Variants in CNTN4 observed in about 807,000 individuals in gnomAD.
CNTN4 encodes the protein contactin 4.
CNTN4 carries 77 observed loss-of-function variants against 122.5 expected under a neutral mutation model. The observed-to-expected ratio is 0.63, with a 90% confidence interval of 0.52 to 0.76. CNTN4 has a LOEUF of 0.76. CNTN4 is among the 30% of genes least tolerant of loss of function. The probability of loss-of-function intolerance (pLI) is 0.00; values close to 1 mark genes in which losing one functional copy is unlikely to be tolerated. For synonymous variants in CNTN4, 512 were observed against 447.0 expected (o/e 1.15, Z -1.83); for missense variants, 1,256 against 1,259.1 (o/e 1.00, Z 0.04).
chr3:2,381,432 C>A (rs1007314934), intron 3 of CNTN4, among the ~76,000 whole-genome samples: 9 of 152,184 alleles, frequency 5.9e-5, no homozygotes, highest in African/African-American at 1.7e-4. Flanking sequence ...TCAAGTTTCA[C>A]CTTCTGCACT....
chr3:2,815,349 G>A (rs146434345), intron 6 of CNTN4, among the ~76,000 whole-genome samples: 2 of 152,010 alleles, frequency 1.3e-5, no homozygotes, highest in African/African-American at 2.4e-5. Flanking sequence ...ATCTGACAAA[G>A]GACTAATATC....
intron 3 of CNTN4, among the ~76,000 whole-genome samples, chr3:2,340,710 T>TATATATATATATATATAG: frequency 7.7e-4 from 14 of 18,300 alleles, no homozygotes; most frequent in African/African-American, 1.3e-3. Context: ...TATATATATA[T>TATATATATATATATATAG]AGAGAGAGAG....
At chr3:2,846,655 G>A (rs1223207653) in intron 7 of CNTN4, among the ~76,000 whole-genome samples, 1 of 152,108 alleles carries the variant, frequency 6.6e-6, no homozygotes, top group Non-Finnish European at 1.5e-5. Context: ...AAGTAAATTT[G>A]GACTCCTCTG....
intron 16 of CNTN4, 61 bp from the exon 17 acceptor site, chr3:3,034,571 G>C: frequency 1.3e-6 from 2 of 1,533,800 alleles, no homozygotes; most frequent in East Asian, 4.5e-5. Context: ...CAAGTATGTG[G>C]CTCCTTTACT....
At chr3:2,350,663 CTTCA>C (rs1270289594) in intron 3 of CNTN4, among the ~76,000 whole-genome samples, 1 of 152,150 alleles carries the variant, frequency 6.6e-6, no homozygotes, top group Non-Finnish European at 1.5e-5. Context: ...TGTAATGTCT[CTTCA>C]TTAAGTTTTT....
At chr3:2,133,025 T>C (rs2034524988) in intron 2 of CNTN4, among the ~76,000 whole-genome samples, 1 of 151,992 alleles carries the variant, frequency 6.6e-6, no homozygotes, top group African/African-American at 2.4e-5. Flanking sequence ...AAATAAGAAA[T>C]AAGTAGGAGG....
chr3:2,384,165 G>C (rs141591033), intron 3 of CNTN4, among the ~76,000 whole-genome samples: 1 of 152,152 alleles, frequency 6.6e-6, no homozygotes, highest in African/African-American at 2.4e-5. Context: ...TGCATCATAA[G>C]GACTCAGTAA....
intron 2 of CNTN4, among the ~76,000 whole-genome samples, chr3:2,224,447 G>C (rs781463912): frequency 1.4e-4 from 21 of 152,206 alleles, no homozygotes; most frequent in African/African-American, 4.8e-4. Context: ...ATGGGAGAGA[G>C]AGAGCATAAG....
intron 14 of CNTN4, among the ~76,000 whole-genome samples, chr3:3,016,791 T>C (rs9858531): frequency 0.14 from 21,833 of 152,208 alleles, 1,897 homozygotes; most frequent in African/African-American, 0.25. Flanking sequence ...TTTCCATTTG[T>C]GGCAGTCAAG....
chr3:2,484,824 G>C (rs2076101898), intron 3 of CNTN4, among the ~76,000 whole-genome samples: 1 of 152,224 alleles, frequency 6.6e-6, no homozygotes. Context: ...TGCTCGAGGA[G>C]CCCTTCAGCC....
chr3:2,878,551 CTCTGTGTGTG>C lies in CNTN4; in HGVS notation c.653-4592_653-4583del, dbSNP rs1306351336. 2.6e-3 allele frequency among the ~76,000 whole-genome samples: 166 copies of C among 64,936 alleles called. 1 individual carries two copies. Among genetic ancestry groups the C allele is most frequent in the African/African-American group, 8.9e-3 (165 of 18,478 alleles). The allele number at this position is 64,936 out of a possible 152,430, so 42.6% of individuals were successfully genotyped here. On this transcript the variant is annotated intron_variant, in intron 8 of 24. Transcript: ENST00000418658. ...GTAAGAGAACAACAGAAGAGATGCT[CTCTGTGTGTG>C]TGTGTGTGTGTGTGTGTGTGTGTGT...
chr3:2,125,583 G>T (rs1278227771), intron 2 of CNTN4, among the ~76,000 whole-genome samples: 1 of 136,510 alleles, frequency 7.3e-6, no homozygotes, highest in South Asian at 2.3e-4. Context: ...TTTTTGAGAC[G>T]AGTCTCACAC....
At chr3:2,267,859 A>G (rs1387496787) in intron 2 of CNTN4, among the ~76,000 whole-genome samples, 1 of 151,856 alleles carries the variant, frequency 6.6e-6, no homozygotes, top group Non-Finnish European at 1.5e-5. Flanking sequence ...CAGGCTTTTC[A>G]TCTTATATGT....
intron 6 of CNTN4, among the ~76,000 whole-genome samples, chr3:2,773,642 C>T (rs188677876): frequency 6.6e-6 from 1 of 152,216 alleles, no homozygotes; most frequent in African/African-American, 2.4e-5. Flanking sequence ...AGACAGATTT[C>T]CTTGTCTATG....
chr3:2,815,894 TG>T (rs1254279745), intron 6 of CNTN4, among the ~76,000 whole-genome samples: 1 of 125,514 alleles, frequency 8.0e-6, no homozygotes, highest in Non-Finnish European at 1.6e-5. Context: ...ATATATATGA[TG>T]GAATACTATG....
chr3:2,838,470 A>G (rs1277115361), intron 7 of CNTN4, among the ~76,000 whole-genome samples: 2 of 151,852 alleles, frequency 1.3e-5, no homozygotes, highest in South Asian at 2.1e-4. Flanking sequence ...ATTTGCTTTT[A>G]TAGAGCATGG....
chr3:2,266,419 G>A (rs147435258), intron 2 of CNTN4, among the ~76,000 whole-genome samples: 9 of 152,092 alleles, frequency 5.9e-5, no homozygotes, highest in African/African-American at 1.9e-4. Flanking sequence ...TTCTCTTTAC[G>A]ACTAATTTTT....
At position 3,003,706 on chromosome 3, in the gene CNTN4, A is replaced by AC. The variant is rs1559776063; in HGVS notation, c.1486+15234_1486+15235insC. Among the ~76,000 whole-genome samples, 28 of 143,354 alleles carry AC rather than the reference A, an allele frequency of 2.0e-4. 2 individuals carry two copies. The highest frequency in any genetic ancestry group is 3.5e-3 in the Middle Eastern group (1 of 288). The allele number at this position is 143,354 out of a possible 152,430, so 94.0% of individuals were successfully genotyped here. A position where few individuals can be genotyped will look rare whatever the true frequency, so the allele number is the denominator to read the frequency against. The stretch of plus-strand genomic sequence containing the variant: ...CACCAAAAAAAAAAAAAAAAAAAAA[A>AC]AAAAAAAACAAAAAAACCCCACTGA... On this transcript the variant is annotated intron_variant, in intron 14 of 24. Coordinates refer to ENST00000418658, the MANE Select transcript of CNTN4 (RefSeq NM_175607.3).
At chr3:3,022,425 G>A (rs973884098) in intron 14 of CNTN4, among the ~76,000 whole-genome samples, 12 of 152,056 alleles carry the variant, frequency 7.9e-5, no homozygotes, top group African/African-American at 2.4e-4. Flanking sequence ...ATAAAACAGC[G>A]TAGTGTTTTA....
Sources: gnomAD v4.1 joint callset for allele counts (sites outside exome capture counted in the v4.1 genomes callset) on GRCh38, gnomAD v4.1.1 for gene constraint, MANE v1.5 for transcripts, NCBI Gene and HGNC (gene_info 2026-07-23, HGNC 2026-07-21) for gene names.